The following SEMA6D variants were observed in gnomAD, a reference collection of about 807,000 sequenced individuals.
SEMA6D encodes semaphorin 6D.
In SEMA6D, 35 loss-of-function variants were observed where a neutral mutation model predicts 106.6. That is an observed-to-expected ratio of 0.33 (90% CI 0.25 to 0.44). SEMA6D has a LOEUF of 0.44. Among genes scored for constraint, SEMA6D ranks in the 20% least tolerant of loss-of-function variants. SEMA6D has a pLI of 1.00. For synonymous variants in SEMA6D, 499 were observed against 487.7 expected (o/e 1.02, Z -0.31); for missense variants, 1,185 against 1,345.9 (o/e 0.88, Z 1.87).
At chr15:47,724,372 G>A (rs1020264790) in intron 1 of SEMA6D, among the ~76,000 whole-genome samples, 13 of 152,194 alleles carry the variant, frequency 8.5e-5, no homozygotes, top group African/African-American at 2.9e-4. Context: ...ATCTTACTGC[G>A]TGCTGTAGGA....
At chr15:47,348,716 CACCACACACACAGAGAGAGAGAG>C (rs2038163377) in intron 1 of SEMA6D, among the ~76,000 whole-genome samples, 1 of 43,808 alleles carries the variant, frequency 2.3e-5, no homozygotes, top group Non-Finnish European at 5.4e-5. Flanking sequence ...CACACACACA[CACCACACACACAGAGAGAGAGAG>C]AGAGAGAGAG....
intron 3 of SEMA6D, among the ~76,000 whole-genome samples, chr15:47,521,120 C>T (rs75616200): frequency 0.011 from 1,613 of 152,242 alleles, 31 homozygotes; most frequent in African/African-American, 0.037. Flanking sequence ...TTCACAGCTC[C>T]ATCTTGAGGA....
At chr15:47,248,336 A>G (rs1270066820) in intron 1 of SEMA6D, among the ~76,000 whole-genome samples, 2 of 152,246 alleles carry the variant, frequency 1.3e-5, no homozygotes, top group African/African-American at 2.4e-5. Context: ...CAAATGAGAA[A>G]AACATTAACG....
intron 1 of SEMA6D, among the ~76,000 whole-genome samples, chr15:47,271,403 T>C (rs556818045): frequency 2.6e-5 from 4 of 152,168 alleles, no homozygotes; most frequent in African/African-American, 9.7e-5. Context: ...GGCAGTTAGC[T>C]GTGTCTAGGT....
intron 2 of SEMA6D, among the ~76,000 whole-genome samples, chr15:47,465,473 A>T (rs745449822): frequency 6.6e-6 from 1 of 152,168 alleles, no homozygotes; most frequent in East Asian, 1.9e-4. Flanking sequence ...TTCTGACTTT[A>T]TGTTCTAAAC....
chr15:47,311,059 C>T (rs147231583), intron 1 of SEMA6D, among the ~76,000 whole-genome samples: 6 of 152,264 alleles, frequency 3.9e-5, no homozygotes, highest in South Asian at 4.1e-4. Flanking sequence ...AATCAAAGCT[C>T]GATCATTAAA....
rs1389243820 is a variant in SEMA6D, at chr15:47,668,255, A to G, written c.-55+67359A>G. On this transcript the variant is annotated intron_variant, in intron 4 of 19. Coordinates refer to the SEMA6D transcript ENST00000558014. ...TAATCTAAAATAATGCACACTGTCA[A>G]TGGCTTTCAAATAACTTGGGTCAGC... Among the ~76,000 whole-genome samples the G allele has an allele frequency of 4.6e-5, 7 of 152,334 alleles. No homozygotes were observed. The South Asian group carries it at 1.4e-3, about 32-fold the overall frequency.
chr15:47,185,313 C>G (rs369301414), intron 1 of SEMA6D, among the ~76,000 whole-genome samples: 2 of 152,198 alleles, frequency 1.3e-5, no homozygotes, highest in Non-Finnish European at 2.9e-5. Flanking sequence ...AAACTTAGAT[C>G]TGACTCTAAT....
At chr15:47,431,458 T>C (rs190374869) in intron 2 of SEMA6D, among the ~76,000 whole-genome samples, 1 of 152,254 alleles carries the variant, frequency 6.6e-6, no homozygotes, top group Admixed American at 6.5e-5. Context: ...ATCCTCATTA[T>C]GAACATAATT....
chr15:47,507,137 C>G (rs1433019068), intron 3 of SEMA6D, among the ~76,000 whole-genome samples: 1 of 152,154 alleles, frequency 6.6e-6, no homozygotes, highest in African/African-American at 2.4e-5. Flanking sequence ...CAGCCTCTAC[C>G]CTGTCTTCCT....
At chr15:47,209,491 G>A (rs1163970699) in intron 1 of SEMA6D, among the ~76,000 whole-genome samples, 2 of 152,158 alleles carry the variant, frequency 1.3e-5, no homozygotes, top group African/African-American at 4.8e-5. Context: ...GAAGTTCAGT[G>A]AAAAGTAATG....
At chr15:47,374,972 C>G (rs1224655288) in intron 1 of SEMA6D, among the ~76,000 whole-genome samples, 1 of 152,210 alleles carries the variant, frequency 6.6e-6, no homozygotes. Flanking sequence ...CAGCTACTTA[C>G]TACTCTTTTT....
chr15:47,184,134 G>C (rs1014107867), exon 1 of SEMA6D: 2 of 152,770 alleles, frequency 1.3e-5, no homozygotes, highest in African/African-American at 4.8e-5. Flanking sequence ...GGAAGGAGTG[G>C]AGGGCTGCTG....
intron 3 of SEMA6D, among the ~76,000 whole-genome samples, chr15:47,566,999 C>T (rs893382143): frequency 1.6e-4 from 25 of 152,196 alleles, no homozygotes; most frequent in Admixed American, 1.6e-3. Flanking sequence ...CCTCTCTTTA[C>T]TCTTCAAAAA....
intron 1 of SEMA6D, among the ~76,000 whole-genome samples, chr15:47,247,836 A>T (rs921219857): frequency 6.6e-6 from 1 of 152,324 alleles, no homozygotes; most frequent in East Asian, 1.9e-4. Flanking sequence ...TGTGGGGTCA[A>T]CTAGTTTTTA....
intron 3 of SEMA6D, among the ~76,000 whole-genome samples, chr15:47,589,069 G>A (rs1428704500): frequency 6.6e-6 from 1 of 152,184 alleles, no homozygotes; most frequent in Non-Finnish European, 1.5e-5. Context: ...AACACTGAAT[G>A]AAAGGTGTTT....
chr15:47,424,073 G>T (rs2041255306), intron 2 of SEMA6D, among the ~76,000 whole-genome samples: 1 of 152,028 alleles, frequency 6.6e-6, no homozygotes, highest in African/African-American at 2.4e-5. Flanking sequence ...GGAAATCAGT[G>T]AAGGCCTAGA....
intron 1 of SEMA6D, among the ~76,000 whole-genome samples, chr15:47,185,930 G>A (rs1326190116): frequency 1.3e-5 from 2 of 152,004 alleles, no homozygotes; most frequent in Non-Finnish European, 2.9e-5. Context: ...TTCAGAATAA[G>A]CTCTTGACAA....
At chr15:47,348,565 T>C (rs2038137919) in intron 1 of SEMA6D, among the ~76,000 whole-genome samples, 1 of 151,916 alleles carries the variant, frequency 6.6e-6, no homozygotes, top group Non-Finnish European at 1.5e-5. Flanking sequence ...TAATCTGTAT[T>C]ACTGTGAGCC....
Sources: allele counts gnomAD v4.1 joint callset (sites outside exome capture counted in the v4.1 genomes callset), GRCh38; gene constraint gnomAD v4.1.1; transcripts MANE v1.5; gene names NCBI Gene and HGNC (gene_info 2026-07-23, HGNC 2026-07-21).